Variants in WDFY4 observed in about 807,000 individuals in gnomAD.
The protein encoded by WDFY4 is WD repeat- and FYVE domain-containing protein 4.
A neutral mutation model predicts 351.9 loss-of-function variants in WDFY4; 169 were observed. The ratio of observed to expected loss-of-function variants is 0.48; its 90% CI spans 0.42 to 0.55. WDFY4 has a LOEUF of 0.55. WDFY4 is among the 20% of genes least tolerant of loss of function. The probability of loss-of-function intolerance (pLI) is 0.00; values close to 1 mark genes in which losing one functional copy is unlikely to be tolerated. For missense variants in WDFY4, 3,803 were observed against 3,935.6 expected, an observed-to-expected ratio of 0.97 and a Z score of 0.90; for synonymous variants, 1,622 against 1,574.6, an observed-to-expected ratio of 1.03 and a Z score of -0.71.
At chr10:48,981,227 A>G in intron 60 of WDFY4, 140 bp from the exon 61 acceptor site, 2 of 709,416 alleles carry the variant, frequency 2.8e-6, no homozygotes, top group Non-Finnish European at 4.7e-6. Context: ...AAGATTAAAT[A>G]TATTTCCCCC....
intron 39 of WDFY4, among the ~76,000 whole-genome samples, chr10:48,850,670 A>G (rs757193606): frequency 3.9e-5 from 6 of 152,196 alleles, no homozygotes; most frequent in African/African-American, 7.2e-5. Flanking sequence ...CACTTGTGCT[A>G]TGAGTACCCT....
At chr10:48,928,997 T>C (rs1193954681) in intron 47 of WDFY4, among the ~76,000 whole-genome samples, 4 of 152,098 alleles carry the variant, frequency 2.6e-5, no homozygotes, top group African/African-American at 9.7e-5. Flanking sequence ...ACAGGTGTGA[T>C]GGATGTTAGG....
chr10:48,774,576 A>G lies in WDFY4; in HGVS notation c.2672A>G (p.His891Arg), dbSNP rs555470403. The change falls in exon 14 of 62, where the codon CAC becomes CGC. Residue 891 changes from histidine (H) to arginine (R), a missense_variant. His to Arg is a conservative substitution (Grantham distance 29, BLOSUM62 0). Transcript: ENST00000325239. Reference protein sequence around the residue: ...GLLGTLMASCHRALVTSGSPL... With the variant: ...GLLGTLMASCRRALVTSGSPL... ...CTTGGGACCCTCATGGCCTCCTGCC[A>G]CAGGGCCCTGGTCACCAGTGGCAGC... The G allele has an allele frequency of 1.3e-6, 2 of 1,551,618 alleles. No individual in the cohort carries two copies. The highest frequency in any genetic ancestry group is 2.0e-5 in the Admixed American group (1 of 51,004).
At chr10:48,780,162 C>T in intron 19 of WDFY4, 43 bp downstream of exon 19, 1 of 1,547,026 alleles carries the variant, frequency 6.5e-7, no homozygotes, top group South Asian at 1.2e-5. Context: ...ACAACCATAC[C>T]TCCTGCTACT....
chr10:48,873,613 C>T lies in WDFY4; in HGVS notation c.6864C>T (p.Leu2288=), dbSNP rs1464262209. ...CCAAGCCCTGTTCCCCATGGGAACT[C>T]GACTGGAGAGAAGGACCAGCTCGAA... The part of the protein sequence containing the change: ...EETKPCSPWE[L]DWREGPARMR... Residue 2288 remains leucine, a synonymous_variant, in exon 41 of 62, where the codon CTC becomes CTT. Transcript: ENST00000325239. 8 of 1,551,712 alleles carry T rather than the reference C, an allele frequency of 5.2e-6. No individual in the cohort carries two copies. The highest frequency in any genetic ancestry group is 2.7e-5 in the African/African-American group (2 of 73,158).
intron 12 of WDFY4, among the ~76,000 whole-genome samples, chr10:48,756,502 G>A (rs1028703210): frequency 3.3e-5 from 5 of 151,800 alleles, no homozygotes; most frequent in African/African-American, 4.8e-5. Flanking sequence ...ATATGTTCCA[G>A]TATTACATCC....
chr10:48,694,610 C>T (rs1187681437), intron 1 of WDFY4, among the ~76,000 whole-genome samples: 4 of 152,164 alleles, frequency 2.6e-5, no homozygotes, highest in Non-Finnish European at 4.4e-5. Flanking sequence ...CACAGTGATT[C>T]CCAGGACCGC....
chr10:48,902,866 T>A (rs1294224986), intron 47 of WDFY4, among the ~76,000 whole-genome samples: 2 of 152,028 alleles, frequency 1.3e-5, no homozygotes, highest in Non-Finnish European at 2.9e-5. Context: ...TCTCAGCACT[T>A]GGGGAGACCA....
In WDFY4 at chr10:48,723,537, T is replaced by G; in HGVS notation, c.561T>G (p.Ser187Arg). The G allele has an allele frequency of 1.3e-6, 2 of 1,551,882 alleles. No homozygotes were observed. Among genetic ancestry groups the G allele is most frequent in the Non-Finnish European group, 1.7e-6 (2 of 1,147,046 alleles). ...FPLDKDELLE[S>R]DLQVQKMFVQ... ...TGGACAAAGATGAGCTTCTTGAGAG[T>G]GATCTTCAAGTTCAAAAGATGTTCG... Residue 187 changes from serine to arginine, a missense_variant, in exon 5 of 62, where the codon AGT (serine) becomes AGG (arginine). Ser to Arg is a moderately radical substitution (Grantham distance 110). Coordinates refer to ENST00000325239, the MANE Select transcript of WDFY4 (RefSeq NM_001394531.1).
rs543734670 is a variant in WDFY4, at chr10:48,878,743, C to T, written c.7167+1544C>T. On this transcript the variant is annotated intron_variant, in intron 43 of 61. Coordinates refer to ENST00000325239, the MANE Select transcript of WDFY4 (RefSeq NM_001394531.1). ...AACTAGCTTGTTACTGTCTGTGTCG[C>T]CCCCTGCATCACCTCCTGCCTTGCT... The T allele has an allele frequency of 3.4e-4, 52 of 152,930 alleles. No individual in the cohort carries two copies. The South Asian group carries it at 0.011, about 32-fold the overall frequency. 9.5% of individuals were successfully genotyped at this position (152,930 alleles called of 1,614,324 possible).
chr10:48,776,068 C>A (rs773308941), intron 15 of WDFY4, among the ~76,000 whole-genome samples: 6 of 152,118 alleles, frequency 3.9e-5, no homozygotes, highest in Non-Finnish European at 7.3e-5. Context: ...GAAGCAGAGA[C>A]AGAGTTTCCT....
intron 52 of WDFY4, 98 bp downstream of exon 52, chr10:48,957,380 G>T: frequency 6.9e-7 from 1 of 1,439,178 alleles, no homozygotes. Context: ...CCTTTGCTAG[G>T]CCCTCCCCAG....
At chr10:48,715,000 A>C (rs535729313) in intron 2 of WDFY4, among the ~76,000 whole-genome samples, 60 of 152,350 alleles carry the variant, frequency 3.9e-4, no homozygotes, top group Middle Eastern at 3.4e-3. Context: ...AGAGGCTCAC[A>C]GCTTCTTCTG....
chr10:48,844,287 A>G (rs954219350), intron 39 of WDFY4, among the ~76,000 whole-genome samples: 1 of 152,178 alleles, frequency 6.6e-6, no homozygotes, highest in African/African-American at 2.4e-5. Flanking sequence ...GAGGGGAGAC[A>G]GCAGAAGAAA....
At chr10:48,943,848 G>A (rs1840909285) in intron 49 of WDFY4, among the ~76,000 whole-genome samples, 1 of 152,198 alleles carries the variant, frequency 6.6e-6, no homozygotes, top group Non-Finnish European at 1.5e-5. Context: ...TCCCGCCTCG[G>A]CCTCCCAAAG....
intron 39 of WDFY4, among the ~76,000 whole-genome samples, chr10:48,838,875 G>C (rs1358889322): frequency 6.6e-6 from 1 of 152,216 alleles, no homozygotes; most frequent in Non-Finnish European, 1.5e-5. Context: ...CCATCATTGC[G>C]GGAGTGATCA....
intron 28 of WDFY4, 144 bp from the exon 29 acceptor site, chr10:48,810,386 C>T (rs1245519246): frequency 1.4e-6 from 1 of 724,500 alleles, no homozygotes; most frequent in African/African-American, 1.8e-5. Context: ...TTTTACTATT[C>T]TTTTTAAATG....
chr10:48,870,107 A>T (rs923498553), intron 40 of WDFY4, among the ~76,000 whole-genome samples: 2 of 152,156 alleles, frequency 1.3e-5, no homozygotes, highest in Admixed American at 1.3e-4. Context: ...AACAACTCAG[A>T]TTATAGAGAC....
intron 49 of WDFY4, among the ~76,000 whole-genome samples, chr10:48,945,822 C>T (rs1195787841): frequency 6.6e-6 from 1 of 152,240 alleles, no homozygotes; most frequent in African/African-American, 2.4e-5. Context: ...AGTGTGAACT[C>T]AGTCTTCCCC....
Sources: allele counts gnomAD v4.1 joint callset (sites outside exome capture counted in the v4.1 genomes callset), GRCh38; gene constraint gnomAD v4.1.1; transcripts MANE v1.5; gene names NCBI Gene and HGNC (gene_info 2026-07-23, HGNC 2026-07-21).